The following JAZF1 variants were observed in gnomAD, a reference collection of about 807,000 sequenced individuals.
The protein encoded by JAZF1 is juxtaposed with another zinc finger protein 1.
In JAZF1, 8 loss-of-function variants were observed where a neutral mutation model predicts 26.4. That is an observed-to-expected ratio of 0.30 (90% CI 0.18 to 0.55). The LOEUF (loss-of-function observed/expected upper bound fraction) is 0.55, where lower values mean the gene tolerates loss of function less well. Ranked by LOEUF, JAZF1 falls within the 20% of genes least tolerant of loss-of-function variation. The probability of loss-of-function intolerance (pLI) is 0.94; values close to 1 mark genes in which losing one functional copy is unlikely to be tolerated. For missense variants in JAZF1, 199 were observed against 322.0 expected, an observed-to-expected ratio of 0.62 and a Z score of 2.92; for synonymous variants, 126 against 122.3, an observed-to-expected ratio of 1.03 and a Z score of -0.20.
chr7:27,979,366 ATTTTTTTTTTTTTTTTTTTTTTTTTTT>A (rs55737757), intron 2 of JAZF1, among the ~76,000 whole-genome samples: 6 of 58,434 alleles, frequency 1.0e-4, no homozygotes, highest in African/African-American at 4.0e-4. Context: ...GGTACACTAC[ATTTTTTTTTTTTTTTTTTTTTTTTTTT>A]TTTTTTTTTT....
chr7:27,912,680 T>C (rs1203522420), intron 2 of JAZF1, among the ~76,000 whole-genome samples: 1 of 152,162 alleles, frequency 6.6e-6, no homozygotes, highest in Non-Finnish European at 1.5e-5. Flanking sequence ...TTAAGACATT[T>C]CCAACTTTTT....
At chr7:28,167,164 G>A (rs1783382087) in intron 1 of JAZF1, among the ~76,000 whole-genome samples, 1 of 152,172 alleles carries the variant, frequency 6.6e-6, no homozygotes, top group Non-Finnish European at 1.5e-5. Flanking sequence ...CAGAAGCTGA[G>A]GGCTACAGGA....
chr7:28,042,815 T>C (rs1196216483), intron 1 of JAZF1, among the ~76,000 whole-genome samples: 22 of 152,228 alleles, frequency 1.4e-4, no homozygotes, highest in Admixed American at 1.4e-3. Context: ...AGCAATAGGC[T>C]ATAGCATATA....
chr7:28,110,553 A>AAAGGGAAAG (rs1784639064), intron 1 of JAZF1, among the ~76,000 whole-genome samples: 3 of 56,120 alleles, frequency 5.3e-5, no homozygotes, highest in African/African-American at 1.5e-4. Context: ...GAAAAGGAAA[A>AAAGGGAAAG]GGAAAGGGAA....
At chr7:27,951,127 C>G (rs531518850) in intron 2 of JAZF1, among the ~76,000 whole-genome samples, 2 of 152,284 alleles carry the variant, frequency 1.3e-5, no homozygotes, top group South Asian at 4.1e-4. Context: ...ACTGAAGAGG[C>G]TTAGCTCAGT....
intron 2 of JAZF1, among the ~76,000 whole-genome samples, chr7:27,926,979 C>T (rs772978487): frequency 6.6e-6 from 1 of 152,254 alleles, no homozygotes; most frequent in African/African-American, 2.4e-5. Flanking sequence ...GGGGACAGAA[C>T]ATCTCCCCGG....
At chr7:28,074,290 C>A (rs1246378360) in intron 1 of JAZF1, among the ~76,000 whole-genome samples, 1 of 152,148 alleles carries the variant, frequency 6.6e-6, no homozygotes, top group African/African-American at 2.4e-5. Context: ...GTAATTATTT[C>A]TTTCATAGGA....
intron 3 of JAZF1, among the ~76,000 whole-genome samples, chr7:27,894,531 T>C (rs1784026064): frequency 6.6e-6 from 1 of 152,186 alleles, no homozygotes; most frequent in South Asian, 2.1e-4. Flanking sequence ...GGCGAGGACC[T>C]GGAGGAGAGC....
rs111610227 is a variant in JAZF1 at position 28,131,348 on chromosome 7, G to A, written c.115+49115C>T. On this transcript the variant is annotated intron_variant, in intron 1 of 4. Coordinates refer to ENST00000283928, the MANE Select transcript of JAZF1 (RefSeq NM_175061.4). Reference sequence around the variant, plus strand: ...AAAATCTAAATGAGTATACCTGACTGTACACAATAAACTTTCTCCCTATTG... The same window carrying A: ...AAAATCTAAATGAGTATACCTGACTATACACAATAAACTTTCTCCCTATTG... Among the ~76,000 whole-genome samples, 556 of 151,496 alleles carry A rather than the reference G, an allele frequency of 3.7e-3. 1 individual carries two copies. The highest frequency in any genetic ancestry group is 0.01 in the Middle Eastern group (3 of 294).
At chr7:27,910,179 G>C (rs933575468) in intron 2 of JAZF1, among the ~76,000 whole-genome samples, 1 of 152,196 alleles carries the variant, frequency 6.6e-6, no homozygotes, top group Non-Finnish European at 1.5e-5. Context: ...GCACAGTATA[G>C]TGAGATTTTG....
At chr7:27,999,184 A>G (rs1344657016) in intron 1 of JAZF1, among the ~76,000 whole-genome samples, 3 of 152,192 alleles carry the variant, frequency 2.0e-5, no homozygotes, top group Non-Finnish European at 4.4e-5. Flanking sequence ...GCTGAGATTA[A>G]ACAACAATAA....
chr7:28,133,003 C>T (rs946684673), intron 1 of JAZF1, among the ~76,000 whole-genome samples: 4 of 152,196 alleles, frequency 2.6e-5, no homozygotes, highest in Non-Finnish European at 4.4e-5. Flanking sequence ...AGCAGATGTG[C>T]TTTAAGCACA....
intron 1 of JAZF1, among the ~76,000 whole-genome samples, chr7:28,136,192 T>C (rs921929281): frequency 9.9e-5 from 15 of 152,186 alleles, no homozygotes; most frequent in African/African-American, 3.6e-4. Context: ...GTATTTATTA[T>C]CTCAAATAAC....
intron 2 of JAZF1, among the ~76,000 whole-genome samples, chr7:27,963,380 C>G (rs920080135): frequency 6.6e-6 from 1 of 152,158 alleles, no homozygotes; most frequent in African/African-American, 2.4e-5. Flanking sequence ...AAAAAAACTA[C>G]TCTTTTATTT....
chr7:27,935,206 G>A (rs938255167), intron 2 of JAZF1, among the ~76,000 whole-genome samples: 1 of 152,202 alleles, frequency 6.6e-6, no homozygotes, highest in African/African-American at 2.4e-5. Flanking sequence ...ATAAGTGTTG[G>A]TGAGGATGTG....
intron 1 of JAZF1, among the ~76,000 whole-genome samples, chr7:28,102,880 A>T (rs1446329187): frequency 6.6e-6 from 1 of 152,242 alleles, no homozygotes; most frequent in Non-Finnish European, 1.5e-5. Flanking sequence ...GCAAAAGAAC[A>T]CGATGACATA....
chr7:27,882,443 A>G (rs1767210554), intron 3 of JAZF1, among the ~76,000 whole-genome samples: 1 of 152,154 alleles, frequency 6.6e-6, no homozygotes, highest in South Asian at 2.1e-4. Flanking sequence ...CAATTTTCCA[A>G]GGAGGAACTA....
chr7:27,997,713 G>A (rs749227266), intron 1 of JAZF1, among the ~76,000 whole-genome samples: 2 of 151,942 alleles, frequency 1.3e-5, no homozygotes, highest in East Asian at 1.9e-4. Flanking sequence ...GACTGCAGGT[G>A]TGCACCACCA....
At chr7:27,848,578 T>C (rs1783074730) in intron 3 of JAZF1, among the ~76,000 whole-genome samples, 1 of 152,160 alleles carries the variant, frequency 6.6e-6, no homozygotes, top group South Asian at 2.1e-4. Context: ...ACTGGGTGAG[T>C]GCGACAGTAG....
Sources: gnomAD v4.1 joint callset for allele counts (sites outside exome capture counted in the v4.1 genomes callset) on GRCh38, gnomAD v4.1.1 for gene constraint, MANE v1.5 for transcripts, NCBI Gene and HGNC (gene_info 2026-07-23, HGNC 2026-07-21) for gene names.